POLR2B: variants seen among roughly 807,000 people sequenced by gnomAD.
The protein encoded by POLR2B is DNA-directed RNA polymerase II subunit RPB2.
In POLR2B, 57 loss-of-function variants were observed where a neutral mutation model predicts 144.6. The observed-to-expected ratio is 0.39, with a 90% CI of 0.32 to 0.49. POLR2B has a LOEUF of 0.49. Ranked by LOEUF, POLR2B falls within the 20% of genes least tolerant of loss-of-function variation. The pLI is 0.83. For synonymous variants in POLR2B, 442 were observed against 469.8 expected (o/e 0.94, Z 0.77); for missense variants, 595 against 1,467.4 (o/e 0.41, Z 9.71).
intron 2 of POLR2B, among the ~76,000 whole-genome samples, chr4:56,987,786 G>A (rs928159011): frequency 1.3e-5 from 2 of 152,082 alleles, no homozygotes; most frequent in African/African-American, 4.8e-5. Context: ...GGAGGCTGAG[G>A]CAGGAGAATC....
intron 17 of POLR2B, among the ~76,000 whole-genome samples, chr4:57,021,485 C>CTTT (rs34804702): frequency 0.027 from 3,013 of 110,224 alleles, 225 homozygotes; most frequent in East Asian, 0.2. Flanking sequence ...AATGTAAAAA[C>CTTT]TTTTTTTTTT....
intron 10 of POLR2B, among the ~76,000 whole-genome samples, chr4:57,009,385 G>A (rs1463965983): frequency 6.6e-6 from 1 of 152,126 alleles, no homozygotes; most frequent in African/African-American, 2.4e-5. Context: ...GTAGGGGAAG[G>A]TTGTTTTTGG....
chr4:57,019,759 CTTTTTTTTT>C (rs71208972), intron 16 of POLR2B, among the ~76,000 whole-genome samples: 1 of 98,196 alleles, frequency 1.0e-5, no homozygotes, highest in Admixed American at 1.1e-4. Flanking sequence ...CTAATGATGT[CTTTTTTTTT>C]TTTTTTTTTT....
At chr4:57,020,178 C>T (rs1017943263) in intron 16 of POLR2B, among the ~76,000 whole-genome samples, 2 of 152,102 alleles carry the variant, frequency 1.3e-5, no homozygotes, top group Admixed American at 6.6e-5. Flanking sequence ...GGACTGCAGG[C>T]GCGTGCCACC....
Position 57,018,881 on chromosome 4 carries a change from G to A in POLR2B, c.2323+1153G>A, listed in dbSNP as rs150241374. On this transcript the variant is annotated intron_variant, in intron 16 of 24. Coordinates refer to ENST00000314595, the MANE Select transcript of POLR2B (RefSeq NM_000938.3). Reference sequence around the variant, plus strand: ...GATTCTCAGGGAGACTGGATGGTGGGTAAAATGGTGAAGAGAAATCTGAAG... The same window carrying A: ...GATTCTCAGGGAGACTGGATGGTGGATAAAATGGTGAAGAGAAATCTGAAG... Among the ~76,000 whole-genome samples, 210 of 152,268 alleles carry A rather than the reference G, an allele frequency of 1.4e-3. 1 individual carries two copies. The highest frequency in any genetic ancestry group is 4.9e-3 in the African/African-American group (203 of 41,556).
intron 2 of POLR2B, among the ~76,000 whole-genome samples, chr4:56,990,336 C>T (rs1722475618): frequency 6.6e-6 from 1 of 152,080 alleles, no homozygotes; most frequent in Admixed American, 6.6e-5. Flanking sequence ...AGTGATCCCC[C>T]TACCTCATCC....
rs781393529 is a variant in POLR2B, at chr4:57,031,013, A to G, written c.*25A>G. 6.1e-6 allele frequency: 8 copies of G among 1,315,010 alleles called. No individual in the cohort carries two copies. In the East Asian group the frequency reaches 1.8e-4, roughly 30 times the overall value. 81.5% of individuals were successfully genotyped at this position (1,315,010 alleles called of 1,614,324 possible). A position where few individuals can be genotyped will look rare whatever the true frequency, so the allele number is the denominator to read the frequency against. ...GCTATTTTACAGGAGTCAACAAGATAATTAAATATCTTGGTGTCTTGTTTC... is the reference window on the plus strand; with the variant it reads ...GCTATTTTACAGGAGTCAACAAGATGATTAAATATCTTGGTGTCTTGTTTC... On this transcript the variant is annotated 3_prime_UTR_variant, in exon 25 of 25. Coordinates refer to ENST00000314595, the MANE Select transcript of POLR2B (RefSeq NM_000938.3).
chr4:56,995,202 C>T, intron 5 of POLR2B, 49 bp from the exon 6 acceptor site: 2 of 1,389,024 alleles, frequency 1.4e-6, no homozygotes, highest in Non-Finnish European at 2.0e-6. Flanking sequence ...CTTTTCTCTT[C>T]AGTGATGTTT....
At chr4:56,996,278 A>ATATATT (rs1488404814) in intron 6 of POLR2B, among the ~76,000 whole-genome samples, 105 of 59,728 alleles carry the variant, frequency 1.8e-3, no homozygotes, top group Non-Finnish European at 3.0e-3. Context: ...ATATATATAT[A>ATATATT]TTTTTTTTTT....
At chr4:56,982,777 T>C (rs1722196591) in intron 1 of POLR2B, among the ~76,000 whole-genome samples, 1 of 152,150 alleles carries the variant, frequency 6.6e-6, no homozygotes, top group Non-Finnish European at 1.5e-5. Flanking sequence ...TGCCATTTCA[T>C]GTCAGGGACT....
chr4:57,026,044 C>T (rs1723706943), intron 23 of POLR2B, among the ~76,000 whole-genome samples: 1 of 152,116 alleles, frequency 6.6e-6, no homozygotes, highest in African/African-American at 2.4e-5. Context: ...CAAGACCAGC[C>T]TGGTCAACAT....
chr4:56,995,547 G>A, intron 6 of POLR2B, 138 bp downstream of exon 6: 2 of 515,602 alleles, frequency 3.9e-6, no homozygotes, highest in Admixed American at 3.6e-5. Flanking sequence ...CTATCGCTGT[G>A]TAACAAATTA....
intron 10 of POLR2B, among the ~76,000 whole-genome samples, chr4:57,008,462 G>A (rs1267309574): frequency 6.6e-5 from 10 of 152,050 alleles, no homozygotes; most frequent in African/African-American, 2.4e-4. Context: ...TCGGCCTCCC[G>A]AAGTGCTGGG....
chr4:56,990,135 G>A (rs1288909980), intron 2 of POLR2B, among the ~76,000 whole-genome samples: 1 of 151,952 alleles, frequency 6.6e-6, no homozygotes, highest in Non-Finnish European at 1.5e-5. Context: ...AGTTCTTATT[G>A]TTATCTTTGA....
chr4:57,021,671 TG>T (rs1723555434), intron 17 of POLR2B, among the ~76,000 whole-genome samples: 1 of 151,844 alleles, frequency 6.6e-6, no homozygotes, highest in African/African-American at 2.4e-5. Flanking sequence ...TGTTGTTGTT[TG>T]GTATTTTTAG....
intron 18 of POLR2B, among the ~76,000 whole-genome samples, chr4:57,022,659 T>C (rs1351804444): frequency 6.6e-6 from 1 of 152,248 alleles, no homozygotes; most frequent in Non-Finnish European, 1.5e-5. Flanking sequence ...TAGCATTTGT[T>C]GTTTCTTCTA....
Position 57,023,308 on chromosome 4 carries a change from T to G in POLR2B, c.2516-22T>G. The G allele has an allele frequency of 6.2e-7, 1 of 1,612,472 alleles. No homozygotes were observed. Among genetic ancestry groups the G allele is most frequent in the Non-Finnish European group, 8.5e-7 (1 of 1,178,846 alleles). ...AATCTTTGTTGGGGATTATGTGACA[T>G]TCCGTGTCTATTTCCTCACAGGCAT... On this transcript the variant is annotated intron_variant, in intron 18 of 24. Coordinates refer to ENST00000314595, the MANE Select transcript of POLR2B (RefSeq NM_000938.3). The surrounding 1 kb of genome is among the most constrained non-coding windows in gnomAD (Gnocchi z 4.3).
At position 56,985,406 on chromosome 4, in the gene POLR2B, G is replaced by A. The variant is rs971657193; in HGVS notation, c.20-948G>A. The A allele has an allele frequency of 7.1e-6, 7 of 985,156 alleles. No homozygotes were observed. The Admixed American group carries it at 1.8e-4, about 26-fold the overall frequency. The allele number at this position is 985,156 out of a possible 1,614,324, so 61.0% of individuals were successfully genotyped here. A position where few individuals can be genotyped will look rare whatever the true frequency, so the allele number is the denominator to read the frequency against. On this transcript the variant is annotated intron_variant, in intron 1 of 24. Coordinates refer to ENST00000314595, the MANE Select transcript of POLR2B (RefSeq NM_000938.3). The stretch of plus-strand genomic sequence containing the variant: ...GGCGGGCTCGGTGCTGTGGCGAGGC[G>A]GGGATGGCACTCCCCCCCGCCGCCC...
chr4:57,016,629 TAATAAG>T (rs1377340042), intron 14 of POLR2B, among the ~76,000 whole-genome samples: 1 of 145,252 alleles, frequency 6.9e-6, no homozygotes, highest in Non-Finnish European at 1.5e-5. Context: ...ATGAATAATA[TAATAAG>T]AAATTTAGTA....
Sources: allele counts gnomAD v4.1 joint callset (sites outside exome capture counted in the v4.1 genomes callset), GRCh38; gene constraint gnomAD v4.1.1; non-coding constraint Gnocchi (gnomAD v3.1); transcripts MANE v1.5; gene names NCBI Gene and HGNC (gene_info 2026-07-23, HGNC 2026-07-21).